Variants in LONRF2 observed in about 807,000 individuals in gnomAD.
LONRF2 encodes the protein LON peptidase N-terminal domain and ring finger 2.
LONRF2 carries 35 observed loss-of-function variants against 66.6 expected under a neutral mutation model. That is an observed-to-expected ratio of 0.53 (90% CI 0.40 to 0.70). The LOEUF is 0.70. Among genes scored for constraint, LONRF2 ranks in the 30% least tolerant of loss-of-function variants. The pLI is 0.00. For synonymous variants in LONRF2, 417 were observed against 418.1 expected (o/e 1.00, Z 0.03); for missense variants, 902 against 1,002.1 (o/e 0.90, Z 1.35).
chr2:100,301,533 C>T (rs1675185461), intron 3 of LONRF2, among the ~76,000 whole-genome samples: 1 of 152,252 alleles, frequency 6.6e-6, no homozygotes, highest in African/African-American at 2.4e-5. Flanking sequence ...TCAGCAGGGA[C>T]ATCAATGTCC....
At chr2:100,300,259 TTTA>T (rs1447340384) in intron 4 of LONRF2, among the ~76,000 whole-genome samples, 9 of 151,846 alleles carry the variant, frequency 5.9e-5, no homozygotes, top group Admixed American at 1.3e-4. Flanking sequence ...TTTATTTTTT[TTTA>T]AATTACACTT....
At chr2:100,297,241 G>C (rs529491920) in intron 7 of LONRF2, among the ~76,000 whole-genome samples, 115 of 152,022 alleles carry the variant, frequency 7.6e-4, no homozygotes, top group African/African-American at 2.4e-3. Flanking sequence ...CCATTCTCCT[G>C]TCTCAGCCTC....
At position 100,272,102 on chromosome 2, in the gene LONRF2, T is replaced by C. The variant is rs1418756792; in HGVS notation, c.*12196A>G. Among the ~76,000 whole-genome samples the C allele has an allele frequency of 5.3e-5, 8 of 152,370 alleles. No individual in the cohort carries two copies. The highest frequency in any genetic ancestry group is 1.7e-4 in the African/African-American group (7 of 41,588). ...AATGACTTGTGAAAACTGAAACTTT[T>C]AGTCTATGATTTTTGCCCCATATCC... On this transcript the variant is annotated 3_prime_UTR_variant, in exon 12 of 12. Coordinates refer to ENST00000393437, the MANE Select transcript of LONRF2 (RefSeq NM_198461.4).
intron 10 of LONRF2, among the ~76,000 whole-genome samples, chr2:100,289,553 A>T (rs1674915295): frequency 6.7e-6 from 1 of 148,268 alleles, no homozygotes; most frequent in African/African-American, 2.5e-5. Flanking sequence ...CTCCTGCCTC[A>T]GCCTCCCAAG....
intron 2 of LONRF2, among the ~76,000 whole-genome samples, chr2:100,303,419 G>T (rs893625871): frequency 6.6e-6 from 1 of 152,100 alleles, no homozygotes; most frequent in African/African-American, 2.4e-5. Context: ...AGACAGACAC[G>T]ACTAAAAACA....
chr2:100,288,802 T>A (rs1010613094), intron 10 of LONRF2, among the ~76,000 whole-genome samples: 1 of 152,018 alleles, frequency 6.6e-6, no homozygotes, highest in African/African-American at 2.4e-5. Flanking sequence ...CATGCACGAG[T>A]GGTTCATTTC....
chr2:100,293,834 C>A (rs1438448214), intron 9 of LONRF2, among the ~76,000 whole-genome samples: 1 of 152,206 alleles, frequency 6.6e-6, no homozygotes, highest in Middle Eastern at 3.2e-3. Flanking sequence ...CCCACCTAAG[C>A]CTTCCAAAGT....
chr2:100,298,833 T>C lies in LONRF2; in HGVS notation c.1476+3A>G. 5.6e-6 allele frequency: 9 copies of C among 1,611,212 alleles called. No individual in the cohort carries two copies. Among genetic ancestry groups the C allele is most frequent in the Non-Finnish European group, 7.6e-6 (9 of 1,177,354 alleles). ...GTCCCGTCATTTCCTAAAGTGTACTTACTTCCGAAAGTTTGTCTTTGCACA... is the reference window on the plus strand; with the variant it reads ...GTCCCGTCATTTCCTAAAGTGTACTCACTTCCGAAAGTTTGTCTTTGCACA... On this transcript the variant is annotated splice_donor_region_variant and intron_variant, in intron 7 of 11. Transcript: ENST00000393437.
chr2:100,308,904 G>A (rs1484361289), intron 2 of LONRF2, among the ~76,000 whole-genome samples: 1 of 152,106 alleles, frequency 6.6e-6, no homozygotes, highest in Non-Finnish European at 1.5e-5. Context: ...AGAAATTAGT[G>A]TTTCTCAGCT....
At chr2:100,309,058 T>C in intron 2 of LONRF2, 49 bp downstream of exon 2, 2 of 1,251,486 alleles carry the variant, frequency 1.6e-6, no homozygotes, top group Non-Finnish European at 2.2e-6. Flanking sequence ...TTTAAGAAAA[T>C]CATATAAACT....
intron 3 of LONRF2, among the ~76,000 whole-genome samples, chr2:100,301,981 C>T (rs769504219): frequency 3.9e-5 from 6 of 152,150 alleles, no homozygotes; most frequent in South Asian, 4.1e-4. Context: ...ATGGGACTAA[C>T]GCCAATCAAT....
rs553009249 is a variant in LONRF2 at position 100,285,057 on chromosome 2, T to C, written c.2071-565A>G. Among the ~76,000 whole-genome samples, 5 of 152,374 alleles carry C rather than the reference T, an allele frequency of 3.3e-5. No homozygotes were observed. In the South Asian group the frequency reaches 1.0e-3, roughly 32 times the overall value. ...TATTTCACATAATCAAACAAAGCACTTCTAGACTAAGTGCTAGGCAAAAGC... is the reference window on the plus strand; with the variant it reads ...TATTTCACATAATCAAACAAAGCACCTCTAGACTAAGTGCTAGGCAAAAGC... On this transcript the variant is annotated intron_variant, in intron 11 of 11. Transcript: ENST00000393437.
At chr2:100,299,980 G>A in intron 4 of LONRF2, 62 bp from the exon 5 acceptor site, 5 of 778,724 alleles carry the variant, frequency 6.4e-6, no homozygotes, top group East Asian at 5.2e-5. Context: ...AAGAGAAAAA[G>A]AATGCAGAAG....
chr2:100,319,700 G>A (rs189130350), intron 1 of LONRF2, among the ~76,000 whole-genome samples: 10 of 152,266 alleles, frequency 6.6e-5, no homozygotes, highest in Admixed American at 2.6e-4. Flanking sequence ...TTTTCTTTCT[G>A]TATAGTATGC....
At position 100,290,258 on chromosome 2, in the gene LONRF2, C is replaced by A. The variant is rs534646792; in HGVS notation, c.1920G>T (p.Lys640Asn). 7.4e-6 allele frequency: 12 copies of A among 1,611,930 alleles called. No individual in the cohort carries two copies. The South Asian group carries it at 1.1e-4, about 15-fold the overall frequency. The change falls in exon 10 of 12, where the codon AAG (lysine) becomes AAT (asparagine). Residue 640 changes from lysine to asparagine, a missense_variant and splice_region_variant. Lys to Asn is a moderately conservative substitution (Grantham distance 94, BLOSUM62 0). This residue lies in a region of LONRF2 where 317 missense variants were observed against 432.2 expected (regional missense o/e 0.73). Transcript: ENST00000393437. Reference protein sequence around the residue: ...TADIEYLEDEKVEGPEYEELA... With the variant: ...TADIEYLEDENVEGPEYEELA... ...AATACACCAGTATGATAAGCCTTAC[C>A]TTTTCATCTTCAAGATATTCAATGT...
rs1453271598 is a variant in LONRF2, at chr2:100,274,936, C to A, written c.*9362G>T. The A allele has an allele frequency of 6.6e-6, 1 of 152,260 alleles. No individual in the cohort carries two copies. The highest frequency in any genetic ancestry group is 1.5e-5 in the Non-Finnish European group (1 of 68,068). The allele number at this position is 152,260 out of a possible 1,614,324, so 9.4% of individuals were successfully genotyped here. On this transcript the variant is annotated 3_prime_UTR_variant, in exon 12 of 12. Transcript: ENST00000393437. ...CTCCTTTATGAATTAAACGTGGGTA[C>A]ATTTCGATACCACGGGCACAGTGAG...
chr2:100,318,264 A>G (rs1249487658), intron 1 of LONRF2, among the ~76,000 whole-genome samples: 3 of 152,210 alleles, frequency 2.0e-5, no homozygotes, highest in Non-Finnish European at 4.4e-5. Flanking sequence ...AACTTCAGAC[A>G]TTGTATTTTG....
In LONRF2 at chr2:100,321,728, G is replaced by C. The variant is rs1675633432; in HGVS notation, c.366C>G (p.Pro122=). The C allele has an allele frequency of 2.7e-6, 3 of 1,127,740 alleles. No individual in the cohort carries two copies. In the Admixed American group the frequency reaches 1.5e-4, roughly 56 times the overall value. 69.9% of individuals were successfully genotyped at this position (1,127,740 alleles called of 1,614,324 possible). A position where few individuals can be genotyped will look rare whatever the true frequency, so the allele number is the denominator to read the frequency against. ...CCGGCCCTCCCTCGCCGGGCGCCTC[G>C]GGCTCGCCGCCCGGGTTCTCCGCGG... The part of the protein sequence containing the change: ...PLSAENPGGE[P]EAPGEGGPAP... Residue 122 remains proline, a synonymous_variant, in exon 1 of 12, where the codon CCC becomes CCG. Coordinates refer to ENST00000393437, the MANE Select transcript of LONRF2 (RefSeq NM_198461.4).
chr2:100,296,732 G>A (rs1428136838), intron 7 of LONRF2, among the ~76,000 whole-genome samples: 3 of 152,140 alleles, frequency 2.0e-5, no homozygotes, highest in Non-Finnish European at 4.4e-5. Context: ...CTTCATAATT[G>A]TCATTATTAA....
Sources: allele counts gnomAD v4.1 joint callset (sites outside exome capture counted in the v4.1 genomes callset), GRCh38; gene constraint gnomAD v4.1.1; regional missense constraint gnomAD v4.1.1; transcripts MANE v1.5; gene names NCBI Gene and HGNC (gene_info 2026-07-23, HGNC 2026-07-21).